Variants in ACVR2B observed in about 807,000 individuals in gnomAD.
ACVR2B encodes the protein activin A receptor type 2B.
ACVR2B carries 18 observed loss-of-function variants against 65.1 expected under a neutral mutation model. The observed-to-expected ratio is 0.28, with a 90% CI of 0.19 to 0.41. The LOEUF (loss-of-function observed/expected upper bound fraction) is 0.41. ACVR2B is among the 10% of genes least tolerant of loss of function. The pLI, the probability that ACVR2B is intolerant of heterozygous loss-of-function variation, is 1.00. For missense variants in ACVR2B, 482 were observed against 682.7 expected, an observed-to-expected ratio of 0.71 and a Z score of 3.28; for synonymous variants, 298 against 277.7, an observed-to-expected ratio of 1.07 and a Z score of -0.73.
At chr3:38,466,596 C>T (rs764270526) in intron 1 of ACVR2B, among the ~76,000 whole-genome samples, 19 of 151,858 alleles carry the variant, frequency 1.3e-4, no homozygotes, top group Non-Finnish European at 2.8e-4. Flanking sequence ...CTCCGCCTCC[C>T]GGGTTCAAGT....
Position 38,477,462 on chromosome 3 carries a change from C to G in ACVR2B, c.228C>G (p.Gly76=), listed in dbSNP as rs920798848. ...GCACCATCGAGCTCGTGAAGAAGGG[C>G]TGCTGGCTAGATGACTTCAACTGCT... ...SSGTIELVKK[G]CWLDDFNCYD... The change falls in exon 2 of 11, where the codon GGC becomes GGG. Residue 76 remains glycine (G), a synonymous_variant. Transcript: ENST00000352511. The surrounding 1 kb of genome is among the most constrained non-coding windows in gnomAD (Gnocchi z 6.7). 13 of 1,614,036 alleles carry G rather than the reference C, an allele frequency of 8.1e-6. No homozygotes were observed. The African/African-American group carries it at 1.6e-4, about 20-fold the overall frequency.
rs1309955277 is a variant in ACVR2B, at chr3:38,477,824, C to T, written c.261-37C>T. ...CAGGCCTGGGGGAGTCTTGCATCCCCCAGGTGAGGGGTATATGGAAAATTC... is the reference window on the plus strand; with the variant it reads ...CAGGCCTGGGGGAGTCTTGCATCCCTCAGGTGAGGGGTATATGGAAAATTC... On this transcript the variant is annotated intron_variant, in intron 2 of 10. Transcript: ENST00000352511. This position sits in a 1 kb window ranked among gnomAD's most constrained non-coding sequence, Gnocchi z 6.7. 1 of 1,605,978 alleles carries T rather than the reference C, an allele frequency of 6.2e-7. No individual in the cohort carries two copies. The highest frequency in any genetic ancestry group is 1.7e-5 in the Admixed American group (1 of 60,006).
At chr3:38,460,753 C>T (rs1406649337) in intron 1 of ACVR2B, among the ~76,000 whole-genome samples, 1 of 152,216 alleles carries the variant, frequency 6.6e-6, no homozygotes, top group African/African-American at 2.4e-5. Flanking sequence ...GACAATGGGC[C>T]TTCTCCCTGG....
rs1710012326 is a variant in ACVR2B, at chr3:38,481,246, C to T, written c.960-105C>T. The T allele has an allele frequency of 3.1e-6, 3 of 981,540 alleles. No homozygotes were observed. Among genetic ancestry groups the T allele is most frequent in the African/African-American group, 1.6e-5 (1 of 63,018 alleles). 60.8% of individuals were successfully genotyped at this position (981,540 alleles called of 1,614,324 possible). A position where few individuals can be genotyped will look rare whatever the true frequency, so the allele number is the denominator to read the frequency against. ...TGCACCCCAGGTAGGGTGGGATGGC[C>T]TGGTCTGGGGCCTGACTCTAGGGCA... On this transcript the variant is annotated intron_variant, in intron 7 of 10. Coordinates refer to ENST00000352511, the MANE Select transcript of ACVR2B (RefSeq NM_001106.4). The surrounding 1 kb of genome is among the most constrained non-coding windows in gnomAD (Gnocchi z 4.7).
Position 38,481,217 on chromosome 3 carries a change from C to T in ACVR2B, c.960-134C>T, listed in dbSNP as rs1710011780. The T allele has an allele frequency of 2.6e-6, 2 of 784,142 alleles. No homozygotes were observed. The highest frequency in any genetic ancestry group is 2.7e-5 in the South Asian group (2 of 73,794). 48.6% of individuals were successfully genotyped at this position (784,142 alleles called of 1,614,324 possible). A position where few individuals can be genotyped will look rare whatever the true frequency, so the allele number is the denominator to read the frequency against. The stretch of plus-strand genomic sequence containing the variant: ...GCAGCTGCCTGCTTGTGCTGCTTCA[C>T]CTCTGCACCCCAGGTAGGGTGGGAT... On this transcript the variant is annotated intron_variant, in intron 7 of 10. Transcript: ENST00000352511. The surrounding 1 kb of genome is among the most constrained non-coding windows in gnomAD (Gnocchi z 4.7).
In ACVR2B at chr3:38,481,541, G is replaced by T. The variant is rs1243770236; in HGVS notation, c.1074+76G>T. On this transcript the variant is annotated intron_variant, in intron 8 of 10. Transcript: ENST00000352511. This position sits in a 1 kb window ranked among gnomAD's most constrained non-coding sequence, Gnocchi z 4.7. ...TTTGCCCTTTTTGTGCTCAGCTGGG[G>T]AGGTGCAGGGATGAGGGTGACTGCA... 3 of 1,191,250 alleles carry T rather than the reference G, an allele frequency of 2.5e-6. No homozygotes were observed. In the African/African-American group the frequency reaches 4.5e-5, roughly 18 times the overall value. The allele number at this position is 1,191,250 out of a possible 1,614,324, so 73.8% of individuals were successfully genotyped here.
intron 1 of ACVR2B, among the ~76,000 whole-genome samples, chr3:38,455,836 A>G (rs1022292516): frequency 2.6e-5 from 4 of 152,170 alleles, no homozygotes. Context: ...AAGGGGAGGC[A>G]TTGGTCTGCT....
chr3:38,484,693 A>G lies in ACVR2B; in HGVS notation c.*1361A>G, dbSNP rs1311355346. On this transcript the variant is annotated 3_prime_UTR_variant, in exon 11 of 11. Transcript: ENST00000352511. Reference sequence around the variant, plus strand: ...TTTCAAACAAAACACACACATCCACATATACACATGCTTCGCTATGTGGCT... The same window carrying G: ...TTTCAAACAAAACACACACATCCACGTATACACATGCTTCGCTATGTGGCT... 1 of 152,676 alleles carries G rather than the reference A, an allele frequency of 6.5e-6. No homozygotes were observed. Among genetic ancestry groups the G allele is most frequent in the Non-Finnish European group, 1.5e-5 (1 of 68,042 alleles). 9.5% of individuals were successfully genotyped at this position (152,676 alleles called of 1,614,324 possible).
At chr3:38,461,734 C>T (rs1018982896) in intron 1 of ACVR2B, among the ~76,000 whole-genome samples, 2 of 152,158 alleles carry the variant, frequency 1.3e-5, no homozygotes, top group African/African-American at 2.4e-5. Context: ...AAGTAATATA[C>T]CTACATTATA....
At position 38,483,612 on chromosome 3, in the gene ACVR2B, C is replaced by T. The variant is rs1255011060; in HGVS notation, c.*280C>T. Reference sequence around the variant, plus strand: ...TGCTGAGCTGTGGATGCAGAACCAGCGCCATGCTGAAGAGCCTCAGCCACC... The same window carrying T: ...TGCTGAGCTGTGGATGCAGAACCAGTGCCATGCTGAAGAGCCTCAGCCACC... On this transcript the variant is annotated 3_prime_UTR_variant, in exon 11 of 11. Coordinates refer to ENST00000352511, the MANE Select transcript of ACVR2B (RefSeq NM_001106.4). This position sits in a 1 kb window ranked among gnomAD's most constrained non-coding sequence, Gnocchi z 4.8. 1 of 162,536 alleles carries T rather than the reference C, an allele frequency of 6.2e-6. No homozygotes were observed. The highest frequency in any genetic ancestry group is 1.8e-4 in the East Asian group (1 of 5,708). The allele number at this position is 162,536 out of a possible 1,614,324, so 10.1% of individuals were successfully genotyped here.
intron 1 of ACVR2B, among the ~76,000 whole-genome samples, chr3:38,465,100 A>G (rs1033255148): frequency 6.6e-6 from 1 of 152,046 alleles, no homozygotes; most frequent in Non-Finnish European, 1.5e-5. Context: ...ATACATATTT[A>G]AAAATAGAAG....
intron 7 of ACVR2B, among the ~76,000 whole-genome samples, chr3:38,480,138 T>C (rs564052): frequency 1.3e-5 from 2 of 152,178 alleles, no homozygotes; most frequent in African/African-American, 4.8e-5. Flanking sequence ...AAATGACTTT[T>C]GTGTAAGTGG....
At chr3:38,458,345 C>T (rs992876382) in intron 1 of ACVR2B, among the ~76,000 whole-genome samples, 5 of 152,290 alleles carry the variant, frequency 3.3e-5, no homozygotes, top group Non-Finnish European at 5.9e-5. Flanking sequence ...AAATGTAAAT[C>T]GGTATATGTG....
rs1710167393 is a variant in ACVR2B at position 38,488,949 on chromosome 3, G to T, written c.*5617G>T. ...ACCACTCTTTGTGTGTATGGAAGGG[G>T]TTATATAAACCTGGGCTATGCTGGA... On this transcript the variant is annotated 3_prime_UTR_variant, in exon 11 of 11. Coordinates refer to ENST00000352511, the MANE Select transcript of ACVR2B (RefSeq NM_001106.4). 2 of 152,166 alleles carry T rather than the reference G, an allele frequency of 1.3e-5. No homozygotes were observed. The highest frequency in any genetic ancestry group is 4.1e-4 in the South Asian group (2 of 4,832). The allele number at this position is 152,166 out of a possible 1,614,324, so 9.4% of individuals were successfully genotyped here.
chr3:38,454,803 A>G (rs1280084828), intron 1 of ACVR2B: 4 of 156,904 alleles, frequency 2.5e-5, no homozygotes, highest in East Asian at 3.6e-4. Flanking sequence ...CATGTCCCTC[A>G]GAGTCACTAA....
rs1227702165 is a variant in ACVR2B, at chr3:38,486,051, C to G, written c.*2719C>G. The G allele has an allele frequency of 1.3e-5, 2 of 152,434 alleles. No individual in the cohort carries two copies. The highest frequency in any genetic ancestry group is 6.5e-5 in the Admixed American group (1 of 15,274). The allele number at this position is 152,434 out of a possible 1,614,324, so 9.4% of individuals were successfully genotyped here. On this transcript the variant is annotated 3_prime_UTR_variant, in exon 11 of 11. Transcript: ENST00000352511. Reference sequence around the variant, plus strand: ...TTCTTGTGAGAAGTTTTGACCTGGCCAAGGGAGGGTTGAGCCATGGTTCTG... The same window carrying G: ...TTCTTGTGAGAAGTTTTGACCTGGCGAAGGGAGGGTTGAGCCATGGTTCTG...
At chr3:38,463,878 C>G (rs1162649555) in intron 1 of ACVR2B, among the ~76,000 whole-genome samples, 1 of 152,176 alleles carries the variant, frequency 6.6e-6, no homozygotes, top group African/African-American at 2.4e-5. Flanking sequence ...GGATTCGTTT[C>G]CAGTGATTCT....
chr3:38,475,794 T>G (rs1036576908), intron 1 of ACVR2B: 1 of 153,070 alleles, frequency 6.5e-6, no homozygotes, highest in African/African-American at 2.4e-5. Context: ...TCTTTCCTAC[T>G]CCAGTCAGCC....
Position 38,454,210 on chromosome 3 carries a change from C to A in ACVR2B, c.-113C>A. ...GCAGGAAGCGCGCAGGGAACGAGAC[C>A]GAAGGAAGGAGCGGGAAGGAGAGCG... On this transcript the variant is annotated 5_prime_UTR_variant, in exon 1 of 11. Transcript: ENST00000352511. 1 of 797,522 alleles carries A rather than the reference C, an allele frequency of 1.3e-6. No homozygotes were observed. The highest frequency in any genetic ancestry group is 1.6e-6 in the Non-Finnish European group (1 of 618,928). 49.4% of individuals were successfully genotyped at this position (797,522 alleles called of 1,614,324 possible).
Sources: allele counts gnomAD v4.1 joint callset (sites outside exome capture counted in the v4.1 genomes callset), GRCh38; gene constraint gnomAD v4.1.1; non-coding constraint Gnocchi (gnomAD v3.1); transcripts MANE v1.5; gene names NCBI Gene and HGNC (gene_info 2026-07-23, HGNC 2026-07-21).